The following KCNH8 variants were observed in gnomAD, a reference collection of about 807,000 sequenced individuals.
KCNH8 encodes voltage-gated delayed rectifier potassium channel KCNH8.
A neutral mutation model predicts 103.6 loss-of-function variants in KCNH8; 70 were observed. That is an observed-to-expected ratio of 0.68 (90% CI 0.56 to 0.82). The LOEUF is 0.82. Ranked by LOEUF, KCNH8 falls within the 40% of genes least tolerant of loss-of-function variation. The pLI is 0.00. For missense variants in KCNH8, 1,217 were observed against 1,329.9 expected (o/e 0.92, Z 1.32); for synonymous variants, 498 against 489.4 (o/e 1.02, Z -0.23).
intron 3 of KCNH8, among the ~76,000 whole-genome samples, chr3:19,333,907 T>C (rs984483948): frequency 2.0e-5 from 3 of 152,182 alleles, no homozygotes; most frequent in Admixed American, 6.6e-5. Context: ...GGGCACACTT[T>C]TTCCCCCACA....
At chr3:19,519,030 T>C (rs540752134) in intron 15 of KCNH8, among the ~76,000 whole-genome samples, 25 of 152,092 alleles carry the variant, frequency 1.6e-4, no homozygotes, top group Non-Finnish European at 2.2e-4. Flanking sequence ...GTTAAACTTG[T>C]AAACAACTGG....
At chr3:19,493,225 C>T (rs2125225872) in intron 11 of KCNH8, among the ~76,000 whole-genome samples, 1 of 152,128 alleles carries the variant, frequency 6.6e-6, no homozygotes. Flanking sequence ...CTTTCTCTTG[C>T]TTAACTTCTG....
chr3:19,376,284 C>A (rs1487619734), intron 5 of KCNH8, among the ~76,000 whole-genome samples: 1 of 152,192 alleles, frequency 6.6e-6, no homozygotes, highest in Non-Finnish European at 1.5e-5. Flanking sequence ...GAGCCAGGTG[C>A]AGGATATAAT....
At chr3:19,523,698 G>T (rs895135637) in intron 15 of KCNH8, among the ~76,000 whole-genome samples, 1 of 151,752 alleles carries the variant, frequency 6.6e-6, no homozygotes, top group African/African-American at 2.4e-5. Flanking sequence ...AATTTCAATT[G>T]GAAAAGAAAG....
At chr3:19,512,880 A>T in intron 12 of KCNH8, 90 bp from the exon 13 acceptor site, 1 of 1,126,066 alleles carries the variant, frequency 8.9e-7, no homozygotes, top group Non-Finnish European at 1.3e-6. Context: ...AAGAGATTTG[A>T]CTTTGTTCTA....
chr3:19,225,880 T>C (rs1177117503), intron 1 of KCNH8, among the ~76,000 whole-genome samples: 1 of 152,238 alleles, frequency 6.6e-6, no homozygotes, highest in Non-Finnish European at 1.5e-5. Context: ...CTCCATAAGC[T>C]ATTTTGGCTG....
chr3:19,466,017 C>G (rs2067728217), intron 11 of KCNH8, among the ~76,000 whole-genome samples: 2 of 152,096 alleles, frequency 1.3e-5, no homozygotes. Context: ...TCATTGGAGC[C>G]TTGACCTCCT....
intron 2 of KCNH8, among the ~76,000 whole-genome samples, chr3:19,276,434 T>C (rs886298855): frequency 1.4e-4 from 21 of 152,148 alleles, no homozygotes; most frequent in Non-Finnish European, 2.4e-4. Context: ...AAAGATGTTA[T>C]GTATTTATCA....
intron 1 of KCNH8, among the ~76,000 whole-genome samples, chr3:19,244,676 A>T (rs1422654007): frequency 2.0e-5 from 3 of 152,058 alleles, no homozygotes; most frequent in Non-Finnish European, 4.4e-5. Flanking sequence ...TCGGTATGAG[A>T]TGGTATCTCG....
At chr3:19,516,770 C>G (rs895255260) in intron 14 of KCNH8, among the ~76,000 whole-genome samples, 3 of 152,018 alleles carry the variant, frequency 2.0e-5, no homozygotes, top group Non-Finnish European at 4.4e-5. Flanking sequence ...ACCATTACTG[C>G]TACCACTCTT....
At chr3:19,503,148 A>AGTT (rs1376014603) in intron 11 of KCNH8, among the ~76,000 whole-genome samples, 47 of 151,694 alleles carry the variant, frequency 3.1e-4, no homozygotes, top group African/African-American at 1.0e-3. Context: ...AAAAGAAGAC[A>AGTT]TTTATGCAGC....
At chr3:19,437,316 T>G (rs2067214019) in intron 7 of KCNH8, among the ~76,000 whole-genome samples, 2 of 152,174 alleles carry the variant, frequency 1.3e-5, no homozygotes, top group Admixed American at 1.3e-4. Context: ...GTGATTTTTG[T>G]GTTGTGTTTA....
chr3:19,366,941 G>GTAT (rs1161087279), intron 5 of KCNH8, among the ~76,000 whole-genome samples: 32 of 152,032 alleles, frequency 2.1e-4, no homozygotes, highest in Non-Finnish European at 1.8e-4. Context: ...TGTAGTCAAT[G>GTAT]TATTAAATAT....
chr3:19,515,276 C>T (rs766597328), intron 13 of KCNH8, 46 bp from the exon 14 acceptor site: 1 of 1,013,158 alleles, frequency 9.9e-7, no homozygotes, highest in Non-Finnish European at 1.5e-6. Flanking sequence ...TACTGGAATC[C>T]ATGAATATGA....
chr3:19,377,311 T>A (rs1032550165), intron 5 of KCNH8, among the ~76,000 whole-genome samples: 3 of 152,200 alleles, frequency 2.0e-5, no homozygotes, highest in African/African-American at 7.2e-5. Context: ...CACACTTTTT[T>A]AAGGTTCCTG....
chr3:19,370,715 C>G (rs551608623), intron 5 of KCNH8, among the ~76,000 whole-genome samples: 14 of 152,104 alleles, frequency 9.2e-5, no homozygotes, highest in African/African-American at 3.1e-4. Context: ...CCCACTAACT[C>G]ATCATCTAGC....
At chr3:19,271,983 CAAAT>C (rs1302970485) in intron 2 of KCNH8, among the ~76,000 whole-genome samples, 3 of 151,980 alleles carry the variant, frequency 2.0e-5, no homozygotes, top group Non-Finnish European at 4.4e-5. Context: ...CTTATCAAAT[CAAAT>C]AAATTAATGA....
At chr3:19,365,685 G>A (rs2066002378) in intron 5 of KCNH8, among the ~76,000 whole-genome samples, 1 of 151,956 alleles carries the variant, frequency 6.6e-6, no homozygotes, top group African/African-American at 2.4e-5. Flanking sequence ...ATAGACACAG[G>A]TTCTTGCCTT....
chr3:19,483,029 A>AG (rs1318356572), intron 11 of KCNH8, among the ~76,000 whole-genome samples: 1 of 150,796 alleles, frequency 6.6e-6, no homozygotes, highest in African/African-American at 2.5e-5. Flanking sequence ...ATTTTTTTTC[A>AG]GGGGGCTATT....
Sources: gnomAD v4.1 joint callset for allele counts (sites outside exome capture counted in the v4.1 genomes callset) on GRCh38, gnomAD v4.1.1 for gene constraint, MANE v1.5 for transcripts, NCBI Gene and HGNC (gene_info 2026-07-23, HGNC 2026-07-21) for gene names.